Variants in NAA16 observed in about 807,000 individuals in gnomAD.
NAA16 encodes N-alpha-acetyltransferase 16, NatA auxiliary subunit.
In NAA16, 97 loss-of-function variants were observed where a neutral mutation model predicts 110.3. The ratio of observed to expected loss-of-function variants is 0.88; its 90% CI spans 0.75 to 1.04. The LOEUF is 1.04. NAA16 is among the 50% of genes least tolerant of loss of function. The pLI, the probability that NAA16 is intolerant of heterozygous loss-of-function variation, is 0.00. For missense variants in NAA16, 1,017 were observed against 1,005.1 expected, an observed-to-expected ratio of 1.01 and a Z score of -0.16; for synonymous variants, 372 against 330.6, an observed-to-expected ratio of 1.13 and a Z score of -1.36.
chr13:41,357,443 C>T (rs2043015243), intron 10 of NAA16, among the ~76,000 whole-genome samples: 1 of 152,192 alleles, frequency 6.6e-6, no homozygotes, highest in Admixed American at 6.5e-5. Flanking sequence ...ACTTGGTTCC[C>T]TTGAAATATA....
At chr13:41,369,338 C>T (rs897481671) in intron 15 of NAA16, 55 bp downstream of exon 15, 42 of 1,387,162 alleles carry the variant, frequency 3.0e-5, no homozygotes, top group East Asian at 9.9e-5. Flanking sequence ...TATTTGGTTC[C>T]GTTCTGACAG....
At chr13:41,355,675 G>A (rs1212538335) in intron 10 of NAA16, among the ~76,000 whole-genome samples, 2 of 152,090 alleles carry the variant, frequency 1.3e-5, no homozygotes, top group East Asian at 1.9e-4. Flanking sequence ...TGATCCACCC[G>A]CCTCAGCCTC....
chr13:41,350,938 T>C (rs1056320850), intron 9 of NAA16, among the ~76,000 whole-genome samples: 3 of 151,998 alleles, frequency 2.0e-5, no homozygotes, highest in African/African-American at 7.2e-5. Context: ...CCCCAAAATG[T>C]TTGAAGGCTC....
intron 9 of NAA16, among the ~76,000 whole-genome samples, chr13:41,353,241 A>G (rs549439235): frequency 6.6e-6 from 1 of 152,344 alleles, no homozygotes; most frequent in African/African-American, 2.4e-5. Flanking sequence ...TCCTGAAAAA[A>G]AATTATTTGC....
At position 41,328,785 on chromosome 13, in the gene NAA16, T is replaced by A. The variant is rs2042158562; in HGVS notation, c.753T>A (p.Ile251=). The A allele has an allele frequency of 6.2e-7, 1 of 1,607,224 alleles. No homozygotes were observed. Among genetic ancestry groups the A allele is most frequent in the South Asian group, 1.1e-5 (1 of 90,762 alleles). Residue 251 remains isoleucine (I), a synonymous_variant, in exon 7 of 20, where the codon ATT becomes ATA. Transcript: ENST00000379406. ...KEASEVFKNL[I]DRNAENWCYY... ...CCAGTGAAGTGTTCAAAAACTTGAT[T>A]GATCGAAATGCAGAAAATTGGTGTT...
rs751764136 is a variant in NAA16, at chr13:41,369,223, TGAAG to T, written c.1888_1891del (p.Glu630LysfsTer17). ...AGAAAAATCAAAAGAAAAAAAGAGA[TGAAG>T]AAGAAGAAGAAGCCAGTGGCCTTAA... On this transcript the variant is annotated frameshift_variant, in exon 15 of 20. Transcript: ENST00000379406. LOFTEE classifies it high-confidence loss of function. 1.9e-5 allele frequency: 30 copies of T among 1,593,582 alleles called. No individual in the cohort carries two copies. The Admixed American group carries it at 4.5e-4, about 24-fold the overall frequency.
At chr13:41,315,070 ATAAT>A (rs2041772463) in intron 1 of NAA16, among the ~76,000 whole-genome samples, 1 of 152,192 alleles carries the variant, frequency 6.6e-6, no homozygotes, top group Non-Finnish European at 1.5e-5. Flanking sequence ...CAGACACTAA[ATAAT>A]AGCATAAATA....
intron 3 of NAA16, 49 bp from the exon 4 acceptor site, chr13:41,320,618 A>C (rs183787110): frequency 6.8e-7 from 1 of 1,478,730 alleles, no homozygotes; most frequent in African/African-American, 1.4e-5. Context: ...GATATGTATC[A>C]TAGAATATTC....
intron 9 of NAA16, among the ~76,000 whole-genome samples, chr13:41,344,142 TCTCTC>T (rs1261001229): frequency 2.0e-5 from 3 of 152,206 alleles, no homozygotes; most frequent in African/African-American, 7.2e-5. Flanking sequence ...CATATTTTCT[TCTCTC>T]AGAGTCATTC....
chr13:41,343,252 C>G (rs2042599292), intron 9 of NAA16, among the ~76,000 whole-genome samples: 1 of 151,986 alleles, frequency 6.6e-6, no homozygotes, highest in African/African-American at 2.4e-5. Context: ...GCCACGATGC[C>G]TAGTTAATTT....
intron 13 of NAA16, among the ~76,000 whole-genome samples, chr13:41,366,089 A>G (rs1161160030): frequency 6.6e-6 from 1 of 152,206 alleles, no homozygotes; most frequent in African/African-American, 2.4e-5. Flanking sequence ...ATTTAAAAAA[A>G]AAGTTCATGT....
intron 14 of NAA16, 116 bp from the exon 15 acceptor site, chr13:41,368,974 A>G: frequency 1.2e-6 from 1 of 811,012 alleles, no homozygotes; most frequent in Non-Finnish European, 1.9e-6. Context: ...GGTGGGGGTC[A>G]TGAACCAATC....
chr13:41,318,691 A>G, intron 2 of NAA16, 115 bp from the exon 3 acceptor site: 1 of 440,336 alleles, frequency 2.3e-6, no homozygotes, highest in Non-Finnish European at 3.9e-6. Context: ...GTGAGATTAA[A>G]AAGATGAATT....
chr13:41,355,365 A>G, intron 10 of NAA16, 149 bp downstream of exon 10: 1 of 577,574 alleles, frequency 1.7e-6, no homozygotes, highest in Non-Finnish European at 3.1e-6. Context: ...AGCACTTTCA[A>G]TCTTACTTAA....
At chr13:41,349,850 A>G (rs2042779386) in intron 9 of NAA16, among the ~76,000 whole-genome samples, 1 of 151,968 alleles carries the variant, frequency 6.6e-6, no homozygotes, top group Non-Finnish European at 1.5e-5. Flanking sequence ...AATCCCAGCT[A>G]CTTGGGAGGC....
chr13:41,353,256 A>G (rs116008697), intron 9 of NAA16, among the ~76,000 whole-genome samples: 41 of 152,354 alleles, frequency 2.7e-4, no homozygotes, highest in African/African-American at 9.6e-4. Context: ...ATTTGCCTTT[A>G]TAAGTTTAAC....
rs138955416 is a variant in NAA16, at chr13:41,347,067, A to C, written c.1015-8077A>C. ...CCCCATCTCTACTAAAAATACAAAA[A>C]TTAGCTGGCGTGGTGGCAGGCATCT... is the stretch of plus-strand genomic sequence containing the variant. On this transcript the variant is annotated intron_variant, in intron 9 of 19. Transcript: ENST00000379406. Among the ~76,000 whole-genome samples the C allele has an allele frequency of 4.5e-3, 681 of 151,742 alleles. 6 individuals are homozygous for C. Among genetic ancestry groups the C allele is most frequent in the African/African-American group, 0.016 (645 of 41,348 alleles).
intron 9 of NAA16, among the ~76,000 whole-genome samples, chr13:41,342,934 C>T (rs1465002496): frequency 6.6e-6 from 1 of 152,016 alleles, no homozygotes; most frequent in African/African-American, 2.4e-5. Flanking sequence ...AGTAACTTGG[C>T]ACAAAAGTTT....
Position 41,355,231 on chromosome 13 carries a change from G to A in NAA16, c.1087+15G>A. ...TAGCCCATATGGTAAGTTTAAATTA[G>A]ATTGAATTGGAATTTGATTACTCAT... is the stretch of plus-strand genomic sequence containing the variant. On this transcript the variant is annotated intron_variant, in intron 10 of 19. Coordinates refer to ENST00000379406, the MANE Select transcript of NAA16 (RefSeq NM_024561.5). 1 of 1,452,502 alleles carries A rather than the reference G, an allele frequency of 6.9e-7. No individual in the cohort carries two copies. The highest frequency in any genetic ancestry group is 9.5e-7 in the Non-Finnish European group (1 of 1,056,306). The allele number at this position is 1,452,502 out of a possible 1,614,324, so 90.0% of individuals were successfully genotyped here. A position where few individuals can be genotyped will look rare whatever the true frequency, so the allele number is the denominator to read the frequency against.
Sources: gnomAD v4.1 joint callset for allele counts (sites outside exome capture counted in the v4.1 genomes callset) on GRCh38, gnomAD v4.1.1 for gene constraint, MANE v1.5 for transcripts, NCBI Gene and HGNC (gene_info 2026-07-23, HGNC 2026-07-21) for gene names.